The following ANGPT4 variants were observed in gnomAD, a reference collection of about 807,000 sequenced individuals.
The protein encoded by ANGPT4 is angiopoietin-4.
In ANGPT4, 50 loss-of-function variants were observed where a neutral mutation model predicts 53.0. That is an observed-to-expected ratio of 0.94 (90% CI 0.75 to 1.20). The LOEUF is 1.20. ANGPT4 is among the 50% of genes most tolerant of loss of function. The probability of loss-of-function intolerance (pLI) is 0.00; values close to 1 mark genes in which losing one functional copy is unlikely to be tolerated. For missense variants in ANGPT4, 648 were observed against 637.1 expected, an observed-to-expected ratio of 1.02 and a Z score of -0.18; for synonymous variants, 251 against 259.7, an observed-to-expected ratio of 0.97 and a Z score of 0.32.
At position 914,532 on chromosome 20, in the gene ANGPT4, G is replaced by T. The variant is rs547870606; in HGVS notation, c.309+1374C>A. Among the ~76,000 whole-genome samples, 1 of 152,194 alleles carries T rather than the reference G, an allele frequency of 6.6e-6. No homozygotes were observed. The highest frequency in any genetic ancestry group is 1.9e-4 in the East Asian group (1 of 5,182). ...TGGTCTGCTGCATGGAGAACAGGAGGTGGGGGCCGAGTGTTAGCAGGGAGC... is the reference window on the plus strand; with the variant it reads ...TGGTCTGCTGCATGGAGAACAGGAGTTGGGGGCCGAGTGTTAGCAGGGAGC... On this transcript the variant is annotated intron_variant, in intron 1 of 8. Coordinates refer to ENST00000381922, the MANE Select transcript of ANGPT4 (RefSeq NM_015985.4). The surrounding 1 kb of genome is among the most constrained non-coding windows in gnomAD (Gnocchi z 5.0).
intron 3 of ANGPT4, among the ~76,000 whole-genome samples, chr20:887,086 G>A (rs1207408627): frequency 1.3e-5 from 2 of 152,208 alleles, no homozygotes; most frequent in Non-Finnish European, 2.9e-5. Context: ...GTGGGTGGCT[G>A]AGAGACAGGG....
intron 1 of ANGPT4, among the ~76,000 whole-genome samples, chr20:892,836 C>G (rs1484579823): frequency 1.3e-5 from 2 of 152,174 alleles, no homozygotes; most frequent in East Asian, 1.9e-4. Flanking sequence ...GCAGTTCCCC[C>G]CTTCGCTCTT....
intron 7 of ANGPT4, 37 bp downstream of exon 7, chr20:878,124 A>C (rs375852279): frequency 6.4e-7 from 1 of 1,554,698 alleles, no homozygotes; most frequent in Non-Finnish European, 8.8e-7. Flanking sequence ...CTAGCTGAAG[A>C]CCCCAGCCCC....
At chr20:900,067 T>C (rs1341227720) in intron 1 of ANGPT4, among the ~76,000 whole-genome samples, 1 of 152,210 alleles carries the variant, frequency 6.6e-6, no homozygotes, top group African/African-American at 2.4e-5. Context: ...CCCATTCCAT[T>C]CTATCGTCCT....
chr20:892,967 C>G (rs1375535377), intron 1 of ANGPT4, among the ~76,000 whole-genome samples: 1 of 152,172 alleles, frequency 6.6e-6, no homozygotes, highest in Non-Finnish European at 1.5e-5. Flanking sequence ...GACTTCCCCC[C>G]AATCCTGGTT....
chr20:890,432 G>T, intron 1 of ANGPT4, 64 bp from the exon 2 acceptor site: 1 of 1,491,292 alleles, frequency 6.7e-7, no homozygotes, highest in Non-Finnish European at 9.0e-7. Flanking sequence ...TCCCTCCCAC[G>T]TGTCACCATG....
intron 8 of ANGPT4, 97 bp downstream of exon 8, chr20:874,187 G>C: frequency 6.4e-7 from 1 of 1,553,388 alleles, no homozygotes; most frequent in Non-Finnish European, 8.8e-7. Context: ...CCATCCTCCT[G>C]ACAGCACCTG....
chr20:904,996 G>T (rs556751846), intron 1 of ANGPT4, among the ~76,000 whole-genome samples: 1 of 152,282 alleles, frequency 6.6e-6, no homozygotes, highest in African/African-American at 2.4e-5. Context: ...AGGGTCTGCA[G>T]AGGTGGCCAC....
At position 879,953 on chromosome 20, in the gene ANGPT4, C is replaced by T. The variant is rs1329814; in HGVS notation, c.952-105G>A. On this transcript the variant is annotated intron_variant, in intron 5 of 8. Coordinates refer to ENST00000381922, the MANE Select transcript of ANGPT4 (RefSeq NM_015985.4). ...AAGCAGACAGACCCCCACAGAGCAACAGGTGAGCCTGGGGGTCCTGGGCAT... is the reference window on the plus strand; with the variant it reads ...AAGCAGACAGACCCCCACAGAGCAATAGGTGAGCCTGGGGGTCCTGGGCAT... 5,765 of 659,596 alleles carry T rather than the reference C, an allele frequency of 8.7e-3. 256 individuals carry two copies. The African/African-American group carries it at 0.092, about 11-fold the overall frequency. 40.9% of individuals were successfully genotyped at this position (659,596 alleles called of 1,614,324 possible).
At position 902,502 on chromosome 20, in the gene ANGPT4, C is replaced by T. The variant is rs548535427; in HGVS notation, c.310-12134G>A. 4.6e-5 allele frequency among the ~76,000 whole-genome samples: 7 copies of T among 152,198 alleles called. No homozygotes were observed. The East Asian group carries it at 7.7e-4, about 17-fold the overall frequency. On this transcript the variant is annotated intron_variant, in intron 1 of 8. Coordinates refer to ENST00000381922, the MANE Select transcript of ANGPT4 (RefSeq NM_015985.4). ...CTCTAATATCTCATTGCAGTGATTGCGGATATCTACGACACATTGTGTATA... is the reference window on the plus strand; with the variant it reads ...CTCTAATATCTCATTGCAGTGATTGTGGATATCTACGACACATTGTGTATA...
At chr20:884,926 C>A in intron 4 of ANGPT4, 152 bp downstream of exon 4, 1 of 1,137,084 alleles carries the variant, frequency 8.8e-7, no homozygotes, top group Non-Finnish European at 1.2e-6. Context: ...GCCATTATTA[C>A]TGTTTATTGT....
chr20:881,436 G>C, intron 4 of ANGPT4, 150 bp from the exon 5 acceptor site: 1 of 702,242 alleles, frequency 1.4e-6, no homozygotes. Context: ...ATTTCGTAGA[G>C]GAGGTGACAG....
In ANGPT4 at chr20:914,109, C is replaced by T. The variant is rs1051932437; in HGVS notation, c.309+1797G>A. Among the ~76,000 whole-genome samples the T allele has an allele frequency of 2.0e-5, 3 of 152,150 alleles. No individual in the cohort carries two copies. Among genetic ancestry groups the T allele is most frequent in the African/African-American group, 7.2e-5 (3 of 41,420 alleles). ...TTATGCATTCATGCATTCACTCATG[C>T]TACAGACATTTATTGAGTACCTACT... On this transcript the variant is annotated intron_variant, in intron 1 of 8. Coordinates refer to ENST00000381922, the MANE Select transcript of ANGPT4 (RefSeq NM_015985.4). The surrounding 1 kb of genome is among the most constrained non-coding windows in gnomAD (Gnocchi z 5.0).
chr20:910,958 A>G (rs1353487529), intron 1 of ANGPT4, among the ~76,000 whole-genome samples: 1 of 152,092 alleles, frequency 6.6e-6, no homozygotes, highest in Non-Finnish European at 1.5e-5. Context: ...CCCATCCCCC[A>G]GTCCCAAACT....
intron 1 of ANGPT4, among the ~76,000 whole-genome samples, chr20:902,327 T>A (rs1234452993): frequency 2.0e-5 from 3 of 151,634 alleles, no homozygotes; most frequent in Non-Finnish European, 4.4e-5. Flanking sequence ...TCAAGGAACC[T>A]GTAAACTTGC....
intron 2 of ANGPT4, among the ~76,000 whole-genome samples, chr20:889,947 C>T (rs907989481): frequency 1.3e-5 from 2 of 152,206 alleles, no homozygotes; most frequent in Admixed American, 6.5e-5. Context: ...TGCTACTATA[C>T]CCCTCATTCC....
intron 1 of ANGPT4, among the ~76,000 whole-genome samples, chr20:903,829 C>G (rs1982376671): frequency 6.6e-6 from 1 of 152,100 alleles, no homozygotes; most frequent in Admixed American, 6.5e-5. Flanking sequence ...GCAGGGATGC[C>G]CCAGGGGTAG....
At position 870,109 on chromosome 20, in the gene ANGPT4, C is replaced by T. The variant is rs1268419834; in HGVS notation, c.*2851G>A. ...AGCCTCTGGATCTAACCTCACTTGC[C>T]TTTACCCTTAGACTTTCCAGTTATG... is the stretch of plus-strand genomic sequence containing the variant. On this transcript the variant is annotated 3_prime_UTR_variant, in exon 9 of 9. Transcript: ENST00000381922. 1.3e-5 allele frequency: 2 copies of T among 152,250 alleles called. No individual in the cohort carries two copies. Among genetic ancestry groups the T allele is most frequent in the African/African-American group, 4.8e-5 (2 of 41,444 alleles). 9.4% of individuals were successfully genotyped at this position (152,250 alleles called of 1,614,324 possible).
At chr20:913,974 G>A (rs1424419147) in intron 1 of ANGPT4, among the ~76,000 whole-genome samples, 4 of 152,232 alleles carry the variant, frequency 2.6e-5, no homozygotes, top group Admixed American at 2.6e-4. Flanking sequence ...TCAGGGAGGT[G>A]TTGGGGGAGA....
Sources: gnomAD v4.1 joint callset for allele counts (sites outside exome capture counted in the v4.1 genomes callset) on GRCh38, gnomAD v4.1.1 for gene constraint, Gnocchi (gnomAD v3.1) non-coding constraint, MANE v1.5 for transcripts, NCBI Gene and HGNC (gene_info 2026-07-23, HGNC 2026-07-21) for gene names.